The following LONP2 variants were observed in gnomAD, a reference collection of about 807,000 sequenced individuals.
The protein encoded by LONP2 is lon protease homolog 2, peroxisomal.
LONP2 carries 60 observed loss-of-function variants against 85.6 expected under a neutral mutation model. The ratio of observed to expected loss-of-function variants is 0.70; its 90% CI spans 0.57 to 0.87. The LOEUF (loss-of-function observed/expected upper bound fraction) is 0.87, where lower values mean the gene tolerates loss of function less well. Ranked by LOEUF, LONP2 falls within the 40% of genes least tolerant of loss-of-function variation. The pLI is 0.00. For missense variants in LONP2, 860 were observed against 1,063.5 expected, an observed-to-expected ratio of 0.81 and a Z score of 2.66; for synonymous variants, 395 against 389.7, an observed-to-expected ratio of 1.01 and a Z score of -0.16.
intron 8 of LONP2, among the ~76,000 whole-genome samples, chr16:48,292,999 A>G (rs889886638): frequency 1.3e-5 from 2 of 152,202 alleles, no homozygotes; most frequent in Middle Eastern, 3.2e-3. Flanking sequence ...ACATTGCTTT[A>G]TTAATTTTCC....
intron 11 of LONP2, among the ~76,000 whole-genome samples, chr16:48,313,144 A>G (rs1973069977): frequency 6.6e-6 from 1 of 152,118 alleles, no homozygotes; most frequent in African/African-American, 2.4e-5. Context: ...ATCCATGTAA[A>G]TTTTAAAGTC....
chr16:48,359,174 T>C (rs1597015013), downstream of LONP2, among the ~76,000 whole-genome samples: 1 of 151,904 alleles, frequency 6.6e-6, no homozygotes. Flanking sequence ...GGTTTCACCA[T>C]GTTGGTCTCG....
intron 8 of LONP2, among the ~76,000 whole-genome samples, chr16:48,294,733 C>CAAACA (rs374800451): frequency 0.017 from 2,520 of 152,098 alleles, 53 homozygotes; most frequent in African/African-American, 0.055. Context: ...GACTCTGTCT[C>CAAACA]AAACAAAACA....
At chr16:48,265,696 A>C (rs1205532392) in intron 6 of LONP2, among the ~76,000 whole-genome samples, 1 of 152,174 alleles carries the variant, frequency 6.6e-6, no homozygotes, top group Non-Finnish European at 1.5e-5. Context: ...TGGTTTGGCT[A>C]TTCAGGGTCT....
At chr16:48,273,086 G>A (rs1972138843) in intron 7 of LONP2, among the ~76,000 whole-genome samples, 1 of 152,148 alleles carries the variant, frequency 6.6e-6, no homozygotes, top group Non-Finnish European at 1.5e-5. Context: ...CACAGTTAGA[G>A]TTCATGAAAA....
At chr16:48,274,728 A>G (rs2150980413) in intron 7 of LONP2, among the ~76,000 whole-genome samples, 1 of 152,068 alleles carries the variant, frequency 6.6e-6, no homozygotes, top group South Asian at 2.1e-4. Flanking sequence ...AGGGGAAAAA[A>G]TCCTCATGTT....
chr16:48,252,112 T>C lies in LONP2; in HGVS notation c.234-19T>C, dbSNP rs776001782. The C allele has an allele frequency of 1.3e-6, 2 of 1,525,870 alleles. No individual in the cohort carries two copies. The highest frequency in any genetic ancestry group is 2.3e-5 in the East Asian group (1 of 43,392). The allele number at this position is 1,525,870 out of a possible 1,614,324, so 94.5% of individuals were successfully genotyped here. A position where few individuals can be genotyped will look rare whatever the true frequency, so the allele number is the denominator to read the frequency against. ...CCGTATTGAATGTTTGTAATACCGA[T>C]GTTTTGTGTGTTTTTCAGGATTGGC... On this transcript the variant is annotated intron_variant, in intron 1 of 14. Transcript: ENST00000285737.
At chr16:48,351,208 G>A (rs533573337) in intron 14 of LONP2, among the ~76,000 whole-genome samples, 28 of 152,288 alleles carry the variant, frequency 1.8e-4, no homozygotes, top group Admixed American at 9.2e-4. Flanking sequence ...CTGCAGGAGC[G>A]GCGCTCATGG....
intron 6 of LONP2, among the ~76,000 whole-genome samples, chr16:48,265,888 A>G (rs1971979192): frequency 6.6e-6 from 1 of 152,086 alleles, no homozygotes; most frequent in African/African-American, 2.4e-5. Context: ...GACTTATTTC[A>G]TCAGTGTTTT....
At chr16:48,280,735 A>G (rs987741338) in intron 8 of LONP2, among the ~76,000 whole-genome samples, 2 of 152,232 alleles carry the variant, frequency 1.3e-5, no homozygotes, top group Non-Finnish European at 2.9e-5. Flanking sequence ...GGAACTGAGT[A>G]TCTTGGTAGC....
rs142658944 is a variant in LONP2, at chr16:48,277,995, AC to A, written c.1383+518del. On this transcript the variant is annotated intron_variant, in intron 8 of 14. Transcript: ENST00000285737. ...GTTGTCCCCACTGTATCATTTTTAT[AC>A]CTTAGATCTCGCAATAAGAATTTTT... 3.2e-3 allele frequency among the ~76,000 whole-genome samples: 478 copies of A among 150,806 alleles called. 1 individual carries two copies. The highest frequency in any genetic ancestry group is 0.011 in the African/African-American group (437 of 41,024).
rs748865650 is a variant in LONP2, at chr16:48,252,379, A to AT, written c.468+20dup. ...TATGCAGTACAAGTAAGTTGCTTTT[A>AT]TTTTTTCTTAAAACCCATTTTTCTT... On this transcript the variant is annotated intron_variant, in intron 2 of 14. Transcript: ENST00000285737. 1.3e-6 allele frequency: 2 copies of AT among 1,514,712 alleles called. No homozygotes were observed. The highest frequency in any genetic ancestry group is 1.8e-6 in the Non-Finnish European group (2 of 1,125,050). The allele number at this position is 1,514,712 out of a possible 1,614,324, so 93.8% of individuals were successfully genotyped here. A position where few individuals can be genotyped will look rare whatever the true frequency, so the allele number is the denominator to read the frequency against.
intron 9 of LONP2, among the ~76,000 whole-genome samples, chr16:48,296,813 T>C (rs1436101699): frequency 1.3e-5 from 2 of 152,186 alleles, no homozygotes; most frequent in African/African-American, 4.8e-5. Context: ...TAAATTCCTC[T>C]TGAATCTGTC....
chr16:48,277,550 A>G (rs886901497), intron 8 of LONP2, 71 bp downstream of exon 8: 12 of 1,490,222 alleles, frequency 8.1e-6, no homozygotes, highest in Non-Finnish European at 1.1e-5. Context: ...AATCATATTC[A>G]AGTGATATAC....
intron 1 of LONP2, among the ~76,000 whole-genome samples, chr16:48,248,682 A>T (rs1971534830): frequency 6.6e-6 from 1 of 152,158 alleles, no homozygotes; most frequent in Non-Finnish European, 1.5e-5. Context: ...GTCTTGGAAG[A>T]TTAAAGATTC....
chr16:48,258,595 T>A (rs761550952), intron 3 of LONP2, 23 bp from the exon 4 acceptor site: 45 of 1,579,238 alleles, frequency 2.8e-5, no homozygotes. Context: ...AGAGATCCTA[T>A]TGATTGACTC....
chr16:48,296,317 T>C, intron 9 of LONP2, 152 bp downstream of exon 9: 1 of 836,100 alleles, frequency 1.2e-6, no homozygotes, highest in Non-Finnish European at 1.8e-6. Context: ...AGTTTCTATG[T>C]AGCTTCAAAG....
Position 48,270,004 on chromosome 16 carries a change from GTTAT to G in LONP2, c.983-9_983-6del, listed in dbSNP as rs1339165698. The G allele has an allele frequency of 6.2e-7, 1 of 1,608,332 alleles. No individual in the cohort carries two copies. The highest frequency in any genetic ancestry group is 1.7e-5 in the Admixed American group (1 of 58,840). Reference sequence around the variant, plus strand: ...TATGTGTTCTAATTATTTCTGTTGGGTTATTTGACAGACCGCCTGGACATTAGGG... The same window carrying G: ...TATGTGTTCTAATTATTTCTGTTGGGTTGACAGACCGCCTGGACATTAGGG... On this transcript the variant is annotated splice_polypyrimidine_tract_variant and splice_region_variant and intron_variant, in intron 6 of 14. Coordinates refer to ENST00000285737, the MANE Select transcript of LONP2 (RefSeq NM_031490.5).
At chr16:48,268,701 G>A (rs910295573) in intron 6 of LONP2, among the ~76,000 whole-genome samples, 2 of 152,020 alleles carry the variant, frequency 1.3e-5, no homozygotes, top group Non-Finnish European at 2.9e-5. Context: ...GTTGGGTTCT[G>A]GAGCCAGGAA....
Sources: gnomAD v4.1 joint callset for allele counts (sites outside exome capture counted in the v4.1 genomes callset) on GRCh38, gnomAD v4.1.1 for gene constraint, MANE v1.5 for transcripts, NCBI Gene and HGNC (gene_info 2026-07-23, HGNC 2026-07-21) for gene names.